LIMS1: variants seen among roughly 807,000 people sequenced by gnomAD.
LIMS1 encodes LIM and senescent cell antigen-like-containing domain protein 1.
A neutral mutation model predicts 44.1 loss-of-function variants in LIMS1; 18 were observed. That is an observed-to-expected ratio of 0.41 (90% CI 0.28 to 0.61). LIMS1 has a LOEUF of 0.61. Ranked by LOEUF, LIMS1 falls within the 20% of genes least tolerant of loss-of-function variation. The probability of loss-of-function intolerance (pLI) is 0.32; values close to 1 mark genes in which losing one functional copy is unlikely to be tolerated. For synonymous variants in LIMS1, 93 were observed against 149.1 expected (o/e 0.62, Z 2.74); for missense variants, 201 against 422.0 (o/e 0.48, Z 4.59).
chr2:108,542,783 T>C (rs1428740787), intron 1 of LIMS1, among the ~76,000 whole-genome samples: 2 of 152,250 alleles, frequency 1.3e-5, no homozygotes, highest in Non-Finnish European at 2.9e-5. Flanking sequence ...CTTAAACTCC[T>C]CTGTCTTGAA....
At chr2:108,624,212 A>G (rs905908690) in intron 1 of LIMS1, among the ~76,000 whole-genome samples, 3 of 152,242 alleles carry the variant, frequency 2.0e-5, no homozygotes, top group Non-Finnish European at 4.4e-5. Flanking sequence ...TGGTGTCCCA[A>G]AATAACATCT....
intron 1 of LIMS1, among the ~76,000 whole-genome samples, chr2:108,579,119 A>G (rs1685790165): frequency 6.6e-6 from 1 of 152,170 alleles, no homozygotes; most frequent in Non-Finnish European, 1.5e-5. Context: ...GGTTTAACTA[A>G]CATTCATTTT....
At chr2:108,682,922 ACT>A (rs1430358852) in intron 9 of LIMS1, among the ~76,000 whole-genome samples, 1 of 152,200 alleles carries the variant, frequency 6.6e-6, no homozygotes, top group Admixed American at 6.5e-5. Flanking sequence ...AAAATTAAAC[ACT>A]CTGGATTTCA....
intron 8 of LIMS1, among the ~76,000 whole-genome samples, chr2:108,679,897 C>T (rs1475851290): frequency 6.6e-6 from 1 of 151,848 alleles, no homozygotes; most frequent in African/African-American, 2.4e-5. Flanking sequence ...GAGCGAGACC[C>T]TGTCTGAAAA....
chr2:108,599,660 C>A (rs1490367709), intron 1 of LIMS1, among the ~76,000 whole-genome samples: 2 of 152,174 alleles, frequency 1.3e-5, no homozygotes, highest in Non-Finnish European at 2.9e-5. Context: ...ACAAGGGTTC[C>A]CTTTTCTCTA....
chr2:108,629,908 G>C (rs1019824349), intron 1 of LIMS1, among the ~76,000 whole-genome samples: 1 of 152,128 alleles, frequency 6.6e-6, no homozygotes, highest in Non-Finnish European at 1.5e-5. Context: ...AAAACCAGGT[G>C]AAGGCCAGGC....
chr2:108,583,970 A>G (rs556872712), intron 1 of LIMS1, among the ~76,000 whole-genome samples: 16 of 152,270 alleles, frequency 1.1e-4, no homozygotes, highest in African/African-American at 3.8e-4. Context: ...CTGAGATTAC[A>G]GGCGTGAACC....
intron 1 of LIMS1, among the ~76,000 whole-genome samples, chr2:108,637,097 ATATGTGTGTGTGTGTGTG>A (rs1439627996): frequency 8.3e-5 from 11 of 132,128 alleles, no homozygotes; most frequent in East Asian, 2.1e-4. Context: ...AAATATACAT[ATATGTGTGTGTGTGTGTG>A]TGTGTGTGTG....
chr2:108,591,253 CA>C (rs1264307087), intron 1 of LIMS1, among the ~76,000 whole-genome samples: 2 of 152,096 alleles, frequency 1.3e-5, no homozygotes, highest in Non-Finnish European at 1.5e-5. Flanking sequence ...TCTGGGGACA[CA>C]AAGGTGACTG....
chr2:108,674,781 T>A (rs1196532819), intron 5 of LIMS1, among the ~76,000 whole-genome samples: 1 of 148,910 alleles, frequency 6.7e-6, no homozygotes, highest in African/African-American at 2.5e-5. Flanking sequence ...TTCAGCCATC[T>A]CATCTTTTGT....
chr2:108,622,588 G>A (rs74812467), intron 1 of LIMS1, among the ~76,000 whole-genome samples: 5,386 of 152,184 alleles, frequency 0.035, 330 homozygotes, highest in African/African-American at 0.12. Flanking sequence ...TACATTTAAT[G>A]TATTAACTTT....
intron 1 of LIMS1, among the ~76,000 whole-genome samples, chr2:108,651,465 T>C (rs13409225): frequency 0.021 from 3,135 of 152,320 alleles, 6 homozygotes; most frequent in Non-Finnish European, 0.024. Flanking sequence ...TCTAGCAAAA[T>C]TGTAAACAAA....
At chr2:108,583,624 T>G (rs889184343) in intron 1 of LIMS1, among the ~76,000 whole-genome samples, 1 of 152,018 alleles carries the variant, frequency 6.6e-6, no homozygotes. Context: ...TTGAACAAAT[T>G]TTTTAAATAA....
chr2:108,569,142 C>T (rs1461593611), intron 1 of LIMS1, among the ~76,000 whole-genome samples: 2 of 152,188 alleles, frequency 1.3e-5, no homozygotes, highest in African/African-American at 4.8e-5. Flanking sequence ...CTGCCTACCT[C>T]ATCCTCCCAA....
intron 1 of LIMS1, among the ~76,000 whole-genome samples, chr2:108,562,002 GA>G (rs1216570511): frequency 6.6e-6 from 1 of 152,018 alleles, no homozygotes; most frequent in Non-Finnish European, 1.5e-5. Context: ...TTGGCTTCCC[GA>G]AGTGCTGGGA....
chr2:108,553,223 TGC>T (rs753698941), intron 1 of LIMS1, among the ~76,000 whole-genome samples: 3 of 152,238 alleles, frequency 2.0e-5, no homozygotes, highest in Non-Finnish European at 2.9e-5. Flanking sequence ...ACTGCCCAGA[TGC>T]AGCCTGGGTG....
chr2:108,664,009 C>T (rs1691573886), intron 2 of LIMS1, among the ~76,000 whole-genome samples: 2 of 152,176 alleles, frequency 1.3e-5, no homozygotes, highest in African/African-American at 4.8e-5. Flanking sequence ...TCGCCTCGTT[C>T]TCCCAAAGTG....
At chr2:108,594,909 C>T (rs1686587973) in intron 1 of LIMS1, among the ~76,000 whole-genome samples, 1 of 151,814 alleles carries the variant, frequency 6.6e-6, no homozygotes, top group African/African-American at 2.4e-5. Context: ...GGTAGACAGA[C>T]TCATCCTAAA....
intron 1 of LIMS1, among the ~76,000 whole-genome samples, chr2:108,534,977 C>T (rs1213549447): frequency 6.6e-6 from 1 of 152,214 alleles, no homozygotes; most frequent in Non-Finnish European, 1.5e-5. Context: ...GTGGCTATCT[C>T]CATAGACTGT....
Sources: allele counts gnomAD v4.1 joint callset (sites outside exome capture counted in the v4.1 genomes callset), GRCh38; gene constraint gnomAD v4.1.1; transcripts MANE v1.5; gene names NCBI Gene and HGNC (gene_info 2026-07-23, HGNC 2026-07-21).